The following LARGE1 variants were observed in gnomAD, a reference collection of about 807,000 sequenced individuals.
LARGE1 encodes the protein LARGE xylosyl- and glucuronyltransferase 1, also known as xylosyl- and glucuronyltransferase LARGE1.
A neutral mutation model predicts 87.6 loss-of-function variants in LARGE1; 43 were observed. That is an observed-to-expected ratio of 0.49 (90% CI 0.38 to 0.63). The LOEUF (loss-of-function observed/expected upper bound fraction) is 0.63. LARGE1 is among the 30% of genes least tolerant of loss of function. LARGE1 has a pLI of 0.00. For missense variants in LARGE1, 802 were observed against 1,000.2 expected (o/e 0.80, Z 2.67); for synonymous variants, 434 against 394.6 (o/e 1.10, Z -1.18).
At chr22:33,260,355 T>C (rs923671958) in intron 11 of LARGE1, among the ~76,000 whole-genome samples, 10 of 152,234 alleles carry the variant, frequency 6.6e-5, no homozygotes, top group Non-Finnish European at 1.5e-4. Flanking sequence ...CTCTCTTCTT[T>C]CATTTGCTTC....
At position 33,502,548 on chromosome 22, in the gene LARGE1, T is replaced by C. The variant is rs1271176924; in HGVS notation, c.787+62300A>G. Among the ~76,000 whole-genome samples the C allele has an allele frequency of 6.6e-5, 10 of 152,108 alleles. 1 individual carries two copies. The South Asian group carries it at 2.1e-3, about 32-fold the overall frequency. ...TAATGTTGTATAGGTGCCACCCACCTCTGCGTATCCTGCATATCCTGCCAC... is the reference window on the plus strand; with the variant it reads ...TAATGTTGTATAGGTGCCACCCACCCCTGCGTATCCTGCATATCCTGCCAC... On this transcript the variant is annotated intron_variant, in intron 6 of 14. Transcript: ENST00000397394.
intron 9 of LARGE1, among the ~76,000 whole-genome samples, chr22:33,381,565 C>T (rs1054131003): frequency 6.6e-6 from 1 of 152,200 alleles, no homozygotes; most frequent in Non-Finnish European, 1.5e-5. Context: ...TAATTATTCA[C>T]ATCCACATCT....
intron 1 of LARGE1, among the ~76,000 whole-genome samples, chr22:33,816,528 T>C (rs1283954966): frequency 6.6e-6 from 1 of 152,110 alleles, no homozygotes; most frequent in African/African-American, 2.4e-5. Context: ...AAGACCTCAC[T>C]GCTCAAAGGC....
chr22:33,578,595 C>T (rs1464601485), intron 5 of LARGE1, among the ~76,000 whole-genome samples: 1 of 152,146 alleles, frequency 6.6e-6, no homozygotes, highest in Non-Finnish European at 1.5e-5. Flanking sequence ...TTTTAATTCA[C>T]CCAATAACCT....
intron 1 of LARGE1, among the ~76,000 whole-genome samples, chr22:33,914,384 G>A (rs2065724930): frequency 6.6e-6 from 1 of 152,126 alleles, no homozygotes; most frequent in Non-Finnish European, 1.5e-5. Context: ...GTTACATTCA[G>A]GGCTTTGCAA....
At chr22:33,149,696 A>G in the LARGE1 span, among the ~76,000 whole-genome samples, 1 of 152,132 alleles carries the variant, frequency 6.6e-6, no homozygotes, top group Non-Finnish European at 1.5e-5. Flanking sequence ...TCTTATTGGG[A>G]GTTTCCAGAA....
intron 2 of LARGE1, among the ~76,000 whole-genome samples, chr22:33,668,459 T>C (rs2081324063): frequency 6.6e-6 from 1 of 152,234 alleles, no homozygotes; most frequent in South Asian, 2.1e-4. Context: ...AAGTATGAGA[T>C]AAGGGCTTGA....
intron 11 of LARGE1, among the ~76,000 whole-genome samples, chr22:33,241,592 A>G (rs1926520663): frequency 6.6e-6 from 1 of 151,932 alleles, no homozygotes. Context: ...ATGTGTGTGT[A>G]TATATGTACA....
chr22:33,629,029 G>A (rs1379177324), intron 3 of LARGE1, among the ~76,000 whole-genome samples: 1 of 152,178 alleles, frequency 6.6e-6, no homozygotes, highest in Non-Finnish European at 1.5e-5. Context: ...GAAGCAAAAT[G>A]AAGCAATGTC....
intron 6 of LARGE1, among the ~76,000 whole-genome samples, chr22:33,531,510 C>A (rs965972247): frequency 2.0e-5 from 3 of 152,178 alleles, no homozygotes; most frequent in Non-Finnish European, 4.4e-5. Flanking sequence ...GATGTGGACA[C>A]CACTGTGACC....
intron 6 of LARGE1, among the ~76,000 whole-genome samples, chr22:33,469,577 C>G (rs1569191585): frequency 6.6e-6 from 1 of 152,074 alleles, no homozygotes; most frequent in Non-Finnish European, 1.5e-5. Context: ...GTAATCCCAG[C>G]ACTTCAGGAG....
intron 1 of LARGE1, among the ~76,000 whole-genome samples, chr22:33,826,926 A>T (rs2062808053): frequency 6.6e-6 from 1 of 152,188 alleles, no homozygotes. Flanking sequence ...TCCAAGCTGG[A>T]AATAGCCTTA....
At position 33,274,410 on chromosome 22, in the gene LARGE1, T is replaced by C. The variant is rs752633044; in HGVS notation, c.*17A>G. 2.5e-6 allele frequency: 4 copies of C among 1,613,562 alleles called. No individual in the cohort carries two copies. Among genetic ancestry groups the C allele is most frequent in the Non-Finnish European group, 3.4e-6 (4 of 1,179,512 alleles). ...TCCCCTACAGCATGTCTCCCCCTAGTGGTGGGCTTCTTGGTGCTAGCTGTT... is the reference window on the plus strand; with the variant it reads ...TCCCCTACAGCATGTCTCCCCCTAGCGGTGGGCTTCTTGGTGCTAGCTGTT... On this transcript the variant is annotated 3_prime_UTR_variant, in exon 15 of 15. Coordinates refer to ENST00000397394, the MANE Select transcript of LARGE1 (RefSeq NM_133642.5).
rs549342734 is a variant in LARGE1 at position 33,242,233 on chromosome 22, C to T, written c.1730+61996G>A. 3.3e-5 allele frequency among the ~76,000 whole-genome samples: 5 copies of T among 152,294 alleles called. No homozygotes were observed. The South Asian group carries it at 1.0e-3, about 32-fold the overall frequency. ...CTTAGCAGGTGGGAACCCTGAATCA[C>T]TAATGACCTCAGGGCAGTTATGTAC... On this transcript the variant is annotated intron_variant, in intron 11 of 11. Coordinates refer to the LARGE1 transcript ENST00000608642.
At chr22:33,541,653 G>A (rs1048956224) in intron 6 of LARGE1, among the ~76,000 whole-genome samples, 4 of 151,744 alleles carry the variant, frequency 2.6e-5, no homozygotes, top group African/African-American at 9.7e-5. Flanking sequence ...ATTACAATGA[G>A]GCCCAGAGGG....
chr22:33,246,518 C>G (rs576472777), intron 11 of LARGE1, among the ~76,000 whole-genome samples: 1 of 152,192 alleles, frequency 6.6e-6, no homozygotes, highest in South Asian at 2.1e-4. Flanking sequence ...TGGTGGTGCG[C>G]ACCTGTAATC....
intron 2 of LARGE1, among the ~76,000 whole-genome samples, chr22:33,703,275 G>A (rs1426587514): frequency 6.6e-6 from 1 of 151,322 alleles, no homozygotes; most frequent in Non-Finnish European, 1.5e-5. Flanking sequence ...CAGGCTGACA[G>A]GTGCAGCAAA....
At chr22:33,892,996 T>C (rs574247991) in intron 1 of LARGE1, among the ~76,000 whole-genome samples, 1 of 152,326 alleles carries the variant, frequency 6.6e-6, no homozygotes, top group East Asian at 1.9e-4. Flanking sequence ...ATAGGTGACT[T>C]TGAATCCAAC....
chr22:33,647,902 TGCGC>T (rs2080669543), intron 3 of LARGE1, among the ~76,000 whole-genome samples: 1 of 152,060 alleles, frequency 6.6e-6, no homozygotes, highest in South Asian at 2.1e-4. Context: ...GGACTACAGA[TGCGC>T]GCCACCACAT....
Sources: allele counts gnomAD v4.1 joint callset (sites outside exome capture counted in the v4.1 genomes callset), GRCh38; gene constraint gnomAD v4.1.1; transcripts MANE v1.5; gene names NCBI Gene and HGNC (gene_info 2026-07-23, HGNC 2026-07-21).